CACNA1C: variants seen among roughly 807,000 people sequenced by gnomAD.
CACNA1C encodes the protein voltage-dependent L-type calcium channel subunit alpha-1C.
In CACNA1C, 30 loss-of-function variants were observed where a neutral mutation model predicts 229.0. That is an observed-to-expected ratio of 0.13 (90% CI 0.10 to 0.18). The LOEUF (loss-of-function observed/expected upper bound fraction) is 0.18. Ranked by LOEUF, CACNA1C falls within the 10% of genes least tolerant of loss-of-function variation. The pLI is 1.00. For missense variants in CACNA1C, 1,658 were observed against 2,845.0 expected, an observed-to-expected ratio of 0.58 and a Z score of 9.49; for synonymous variants, 1,114 against 1,132.5, an observed-to-expected ratio of 0.98 and a Z score of 0.33.
intron 5 of CACNA1C, among the ~76,000 whole-genome samples, chr12:2,464,048 A>C (rs952162646): frequency 6.6e-6 from 1 of 152,116 alleles, no homozygotes; most frequent in African/African-American, 2.4e-5. Context: ...TTTCCATTTC[A>C]TCTCATATGC....
chr12:2,008,094 C>T (rs1428652767), intron 1 of CACNA1C, among the ~76,000 whole-genome samples: 2 of 152,012 alleles, frequency 1.3e-5, no homozygotes, highest in African/African-American at 2.4e-5. Context: ...TAGTATGTTT[C>T]ATAAAGTTTT....
At chr12:2,102,094 T>C (rs538102302) in intron 1 of CACNA1C, among the ~76,000 whole-genome samples, 1 of 152,346 alleles carries the variant, frequency 6.6e-6, no homozygotes, top group East Asian at 1.9e-4. Context: ...TTCCTGGGAC[T>C]TCCCTCCTGT....
At chr12:2,258,447 T>A (rs886822363) in intron 3 of CACNA1C, among the ~76,000 whole-genome samples, 2 of 152,242 alleles carry the variant, frequency 1.3e-5, no homozygotes, top group Non-Finnish European at 2.9e-5. Context: ...TGTGAAATTT[T>A]AAAAATCTCA....
intron 3 of CACNA1C, among the ~76,000 whole-genome samples, chr12:2,213,507 A>G (rs1256104976): frequency 6.6e-6 from 1 of 152,190 alleles, no homozygotes; most frequent in Admixed American, 6.5e-5. Context: ...AAGAAACATA[A>G]CAGCTTTATT....
chr12:2,469,736 T>C lies in CACNA1C; in HGVS notation c.757+12030T>C, dbSNP rs190723997. Among the ~76,000 whole-genome samples the C allele has an allele frequency of 5.3e-5, 8 of 152,322 alleles. No individual in the cohort carries two copies. The East Asian group carries it at 1.3e-3, about 26-fold the overall frequency. On this transcript the variant is annotated intron_variant, in intron 5 of 46. Transcript: ENST00000399655. The stretch of plus-strand genomic sequence containing the variant: ...TCTTCAGGCTGTTTTTACTAGACCA[T>C]ATAGTCCTACTAATAAATACTTGTG...
At chr12:2,008,224 C>A (rs1017498666) in intron 1 of CACNA1C, among the ~76,000 whole-genome samples, 2 of 152,114 alleles carry the variant, frequency 1.3e-5, no homozygotes, top group Admixed American at 6.5e-5. Context: ...TTCAAGCACT[C>A]CTCCCACCCC....
intron 3 of CACNA1C, among the ~76,000 whole-genome samples, chr12:2,281,347 A>G (rs1037152827): frequency 6.6e-6 from 1 of 151,986 alleles, no homozygotes; most frequent in Non-Finnish European, 1.5e-5. Flanking sequence ...TATATACTTA[A>G]CCATGTCAGT....
chr12:2,110,158 C>T (rs1325595545), intron 1 of CACNA1C, among the ~76,000 whole-genome samples: 1 of 152,240 alleles, frequency 6.6e-6, no homozygotes, highest in Non-Finnish European at 1.5e-5. Flanking sequence ...CTAACTTGGA[C>T]TCCTCACTTG....
chr12:2,677,519 G>A lies in CACNA1C; in HGVS notation c.4957-214G>A, dbSNP rs1160050816. 4 of 632,916 alleles carry A rather than the reference G, an allele frequency of 6.3e-6. No individual in the cohort carries two copies. The highest frequency in any genetic ancestry group is 3.7e-5 in the African/African-American group (2 of 54,544). The allele number at this position is 632,916 out of a possible 1,614,324, so 39.2% of individuals were successfully genotyped here. A position where few individuals can be genotyped will look rare whatever the true frequency, so the allele number is the denominator to read the frequency against. ...CTGACCCCTGGTGCCCCGTCCTAATGAGCCTTCATCCCTCCTGGATGGGCG... is the reference window on the plus strand; with the variant it reads ...CTGACCCCTGGTGCCCCGTCCTAATAAGCCTTCATCCCTCCTGGATGGGCG... On this transcript the variant is annotated intron_variant, in intron 40 of 46. Transcript: ENST00000399655. This position sits in a 1 kb window ranked among gnomAD's most constrained non-coding sequence, Gnocchi z 7.4.
chr12:2,003,911 A>C (rs2042756484), intron 1 of CACNA1C, among the ~76,000 whole-genome samples: 2 of 151,920 alleles, frequency 1.3e-5, no homozygotes, highest in Admixed American at 1.3e-4. Context: ...TGCCTCCCCC[A>C]TAGCCACAGA....
intron 9 of CACNA1C, among the ~76,000 whole-genome samples, chr12:2,514,689 G>C (rs920857041): frequency 6.6e-6 from 1 of 152,114 alleles, no homozygotes; most frequent in East Asian, 1.9e-4. Flanking sequence ...ACGGTGATGA[G>C]CATTTCTGTA....
chr12:2,538,912 G>A (rs4765954), intron 9 of CACNA1C, among the ~76,000 whole-genome samples: 1 of 151,994 alleles, frequency 6.6e-6, no homozygotes, highest in Non-Finnish European at 1.5e-5. Flanking sequence ...TCTATTCTGC[G>A]GTGGGGCTGG....
intron 3 of CACNA1C, among the ~76,000 whole-genome samples, chr12:2,356,107 C>T (rs79149448): frequency 0.03 from 4,535 of 152,300 alleles, 93 homozygotes; most frequent in East Asian, 0.038. Context: ...CCCTGCAGAT[C>T]GTTAGGCAAA....
At chr12:2,474,467 A>G (rs1027163465) in intron 5 of CACNA1C, among the ~76,000 whole-genome samples, 1 of 152,222 alleles carries the variant, frequency 6.6e-6, no homozygotes, top group East Asian at 1.9e-4. Context: ...TAAGAAGTAC[A>G]GGCCAGGCCA....
intron 1 of CACNA1C, among the ~76,000 whole-genome samples, chr12:2,056,375 C>T (rs537232771): frequency 1.4e-4 from 21 of 152,264 alleles, no homozygotes; most frequent in African/African-American, 5.1e-4. Context: ...CCTGTCTGCT[C>T]TGGGCCTGTG....
intron 9 of CACNA1C, among the ~76,000 whole-genome samples, chr12:2,527,085 A>G (rs763501005): frequency 1.3e-5 from 2 of 152,204 alleles, no homozygotes; most frequent in Non-Finnish European, 2.9e-5. Flanking sequence ...GAAAGTAAGG[A>G]TATTAAGACA....
intron 1 of CACNA1C, among the ~76,000 whole-genome samples, chr12:2,055,774 G>C (rs1390998507): frequency 6.6e-6 from 1 of 152,206 alleles, no homozygotes; most frequent in African/African-American, 2.4e-5. Context: ...TCCATTTCTA[G>C]ATGCGGTTCC....
chr12:2,595,802 T>G lies in CACNA1C; in HGVS notation c.2664-72T>G. ...GCTGGGGAGAGCTGAGGAGAGGGGCTCCCAAGAGCCGACTGGTGCTTCCCC... is the reference window on the plus strand; with the variant it reads ...GCTGGGGAGAGCTGAGGAGAGGGGCGCCCAAGAGCCGACTGGTGCTTCCCC... On this transcript the variant is annotated intron_variant, in intron 19 of 46. Transcript: ENST00000399655. The surrounding 1 kb of genome is among the most constrained non-coding windows in gnomAD (Gnocchi z 4.1). The G allele has an allele frequency of 6.7e-7, 1 of 1,494,846 alleles. No homozygotes were observed. 92.6% of individuals were successfully genotyped at this position (1,494,846 alleles called of 1,614,324 possible).
rs75411458 is a variant in CACNA1C, at chr12:2,176,820, G to A, written c.477+56390G>A. ...TGAAAGTGGGATACACGAGGACAATGCTATCACTTGACCCATCTTCTTTCA... is the reference window on the plus strand; with the variant it reads ...TGAAAGTGGGATACACGAGGACAATACTATCACTTGACCCATCTTCTTTCA... On this transcript the variant is annotated intron_variant, in intron 3 of 46. Transcript: ENST00000399655. 8.8e-3 allele frequency among the ~76,000 whole-genome samples: 1,347 copies of A among 152,294 alleles called. 20 individuals are homozygous for A. Among genetic ancestry groups the A allele is most frequent in the African/African-American group, 0.03 (1,248 of 41,548 alleles).
Sources: allele counts gnomAD v4.1 joint callset (sites outside exome capture counted in the v4.1 genomes callset), GRCh38; gene constraint gnomAD v4.1.1; non-coding constraint Gnocchi (gnomAD v3.1); transcripts MANE v1.5; gene names NCBI Gene and HGNC (gene_info 2026-07-23, HGNC 2026-07-21).